STIM1: variants seen among roughly 807,000 people sequenced by gnomAD.
The protein encoded by STIM1 is stromal interaction molecule 1.
A neutral mutation model predicts 74.7 loss-of-function variants in STIM1; 25 were observed. The observed-to-expected ratio is 0.33, with a 90% CI of 0.24 to 0.47. STIM1 has a LOEUF of 0.47. STIM1 is among the 20% of genes least tolerant of loss of function. The pLI, the probability that STIM1 is intolerant of heterozygous loss-of-function variation, is 1.00. For missense variants in STIM1, 728 were observed against 920.8 expected (o/e 0.79, Z 2.71); for synonymous variants, 328 against 348.8 (o/e 0.94, Z 0.66).
intron 1 of STIM1, among the ~76,000 whole-genome samples, chr11:3,872,058 C>G (rs943892989): frequency 3.3e-5 from 5 of 152,016 alleles, no homozygotes; most frequent in African/African-American, 9.7e-5. Context: ...TTTTCTAACT[C>G]TCGTTTTTTT....
chr11:3,960,635 A>G (rs1234707604), intron 1 of STIM1, among the ~76,000 whole-genome samples: 1 of 152,236 alleles, frequency 6.6e-6, no homozygotes, highest in Non-Finnish European at 1.5e-5. Flanking sequence ...CATTGCAACT[A>G]ACCTTTAAGA....
intron 1 of STIM1, chr11:3,868,233 A>C (rs974169107): frequency 6.6e-6 from 1 of 152,204 alleles, no homozygotes. Context: ...ATATCTCTGA[A>C]GAGATAAATA....
intron 10 of STIM1, chr11:4,083,804 C>T: frequency 3.0e-6 from 1 of 336,502 alleles, no homozygotes; most frequent in East Asian, 5.4e-5. Flanking sequence ...AAAAATATGT[C>T]CTTTAGTGAA....
chr11:3,879,534 A>G (rs1273322887), intron 1 of STIM1, among the ~76,000 whole-genome samples: 3 of 152,214 alleles, frequency 2.0e-5, no homozygotes, highest in Non-Finnish European at 4.4e-5. Flanking sequence ...GCACTTTACA[A>G]ATCACTCCAC....
intron 1 of STIM1, among the ~76,000 whole-genome samples, chr11:3,895,701 TC>T (rs2092093002): frequency 3.0e-5 from 1 of 32,834 alleles, no homozygotes; most frequent in Non-Finnish European, 5.2e-5. Flanking sequence ...TTTCTTTCTT[TC>T]TTTCTTTCTT....
intron 1 of STIM1, among the ~76,000 whole-genome samples, chr11:3,873,461 G>T (rs998755635): frequency 6.7e-6 from 1 of 149,808 alleles, no homozygotes; most frequent in East Asian, 1.9e-4. Flanking sequence ...TTTTTTTGTG[G>T]AGATGGATTT....
intron 1 of STIM1, among the ~76,000 whole-genome samples, chr11:3,883,742 A>G (rs926135462): frequency 6.6e-6 from 1 of 152,242 alleles, no homozygotes; most frequent in Non-Finnish European, 1.5e-5. Context: ...TGTCTTTAGC[A>G]TTTAGCATAT....
intron 1 of STIM1, among the ~76,000 whole-genome samples, chr11:3,955,399 C>T (rs1034664248): frequency 1.3e-5 from 2 of 152,064 alleles, no homozygotes; most frequent in African/African-American, 4.8e-5. Context: ...ATTCATGCCT[C>T]ATTTTTATAA....
chr11:4,076,485 CAAAAAAAAAAAAA>C (rs58804386), intron 7 of STIM1, among the ~76,000 whole-genome samples: 4 of 40,760 alleles, frequency 9.8e-5, no homozygotes, highest in Non-Finnish European at 1.2e-4. Context: ...GACTCCATCT[CAAAAAAAAAAAAA>C]AAAAAAAAAA....
chr11:3,918,532 TC>T (rs1235706917), intron 1 of STIM1, among the ~76,000 whole-genome samples: 153 of 92,766 alleles, frequency 1.6e-3, no homozygotes, highest in South Asian at 7.3e-3. Flanking sequence ...AGACACTGTC[TC>T]AAAAAAAAAA....
chr11:4,025,590 G>A (rs948007001), intron 3 of STIM1, among the ~76,000 whole-genome samples: 1 of 152,142 alleles, frequency 6.6e-6, no homozygotes, highest in Non-Finnish European at 1.5e-5. Context: ...CAGGGTGGCT[G>A]GTTTTTAAGA....
chr11:3,932,309 G>C (rs557372839), intron 1 of STIM1, among the ~76,000 whole-genome samples: 14 of 152,288 alleles, frequency 9.2e-5, no homozygotes, highest in African/African-American at 3.4e-4. Context: ...CAGGGCCTTT[G>C]GTGGGTGATT....
intron 4 of STIM1, 114 bp from the exon 5 acceptor site, chr11:4,059,167 G>A: frequency 1.1e-6 from 1 of 933,394 alleles, no homozygotes; most frequent in Admixed American, 1.9e-5. Context: ...CTAGAGTGCA[G>A]AGGGGAGCAA....
intron 2 of STIM1, among the ~76,000 whole-genome samples, chr11:4,017,567 A>C (rs2093910263): frequency 6.6e-6 from 1 of 152,042 alleles, no homozygotes; most frequent in South Asian, 2.1e-4. Context: ...GGTTTCCTGG[A>C]GTTATCTGAT....
intron 1 of STIM1, among the ~76,000 whole-genome samples, chr11:3,900,124 A>C (rs2092309453): frequency 6.6e-6 from 1 of 152,196 alleles, no homozygotes; most frequent in Non-Finnish European, 1.5e-5. Context: ...CTGCCTAAGC[A>C]AGCCTGGGCA....
intron 12 of STIM1, chr11:4,088,814 T>C (rs969127324): frequency 7.6e-6 from 11 of 1,446,268 alleles, no homozygotes; most frequent in Non-Finnish European, 8.4e-6. Context: ...TTCTCAGTGA[T>C]TCAGGGAGGG....
intron 2 of STIM1, among the ~76,000 whole-genome samples, chr11:4,018,454 G>A (rs1371703430): frequency 3.7e-5 from 2 of 54,674 alleles, no homozygotes; most frequent in African/African-American, 7.2e-5. Flanking sequence ...GCGAGACTCC[G>A]TCTCAAAAAA....
chr11:3,969,191 G>T (rs528197310), intron 2 of STIM1, among the ~76,000 whole-genome samples: 5 of 152,156 alleles, frequency 3.3e-5, no homozygotes, highest in Non-Finnish European at 7.4e-5. Flanking sequence ...GTAGCATACA[G>T]AACTCCACTG....
intron 3 of STIM1, among the ~76,000 whole-genome samples, chr11:4,028,123 C>T (rs2094013330): frequency 6.7e-6 from 1 of 150,094 alleles, no homozygotes; most frequent in African/African-American, 2.5e-5. Context: ...CACTCTGTAG[C>T]CCAGGCTGGA....
Sources: allele counts gnomAD v4.1 joint callset (sites outside exome capture counted in the v4.1 genomes callset), GRCh38; gene constraint gnomAD v4.1.1; transcripts MANE v1.5; gene names NCBI Gene and HGNC (gene_info 2026-07-23, HGNC 2026-07-21).